BIRC6: variants seen among roughly 807,000 people sequenced by gnomAD.
BIRC6 encodes dual E2 ubiquitin-conjugating enzyme/E3 ubiquitin-protein ligase BIRC6.
In BIRC6, 98 loss-of-function variants were observed where a neutral mutation model predicts 503.3. The ratio of observed to expected loss-of-function variants is 0.19; its 90% confidence interval spans 0.17 to 0.23. BIRC6 has a LOEUF of 0.23. BIRC6 is among the 10% of genes least tolerant of loss of function. BIRC6 has a pLI of 1.00. For missense variants in BIRC6, 5,360 were observed against 5,806.0 expected (o/e 0.92, Z 2.50); for synonymous variants, 2,240 against 2,078.7 (o/e 1.08, Z -2.11).
chr2:32,486,985 C>T (rs937726879), intron 40 of BIRC6, among the ~76,000 whole-genome samples: 1 of 151,478 alleles, frequency 6.6e-6, no homozygotes, highest in African/African-American at 2.4e-5. Context: ...ATTAGAATAT[C>T]TTTTCGTAAT....
At chr2:32,426,496 A>T (rs544156335) in intron 10 of BIRC6, among the ~76,000 whole-genome samples, 96 of 152,334 alleles carry the variant, frequency 6.3e-4, no homozygotes, top group African/African-American at 2.2e-3. Flanking sequence ...CCAACTACTC[A>T]GGAGGCTGAG....
chr2:32,368,594 C>T (rs367763641), intron 1 of BIRC6, among the ~76,000 whole-genome samples: 1 of 152,106 alleles, frequency 6.6e-6, no homozygotes, highest in Non-Finnish European at 1.5e-5. Context: ...TTCAAACTCT[C>T]TAACTCCCTA....
intron 12 of BIRC6, among the ~76,000 whole-genome samples, chr2:32,432,546 C>T (rs192188600): frequency 1.8e-4 from 27 of 152,026 alleles, no homozygotes; most frequent in Non-Finnish European, 2.5e-4. Flanking sequence ...CACTTGAGCC[C>T]AGGTGTTCAA....
chr2:32,613,341 G>T, intron 73 of BIRC6, among the ~76,000 whole-genome samples: 1 of 150,574 alleles, frequency 6.6e-6, no homozygotes. Flanking sequence ...TCTGCCACCA[G>T]ACCTGGCTAA....
chr2:32,413,062 A>G (rs1369957002), intron 9 of BIRC6, among the ~76,000 whole-genome samples: 2 of 151,624 alleles, frequency 1.3e-5, no homozygotes, highest in Admixed American at 6.6e-5. Context: ...ACTAGAGAGT[A>G]CAGTTGCGTG....
At chr2:32,413,257 C>T (rs1188757547) in intron 9 of BIRC6, among the ~76,000 whole-genome samples, 1 of 151,228 alleles carries the variant, frequency 6.6e-6, no homozygotes, top group Non-Finnish European at 1.5e-5. Flanking sequence ...CTTGGCTCAC[C>T]ACAACCTCCG....
intron 22 of BIRC6, among the ~76,000 whole-genome samples, chr2:32,451,729 G>A (rs1434325208): frequency 6.6e-6 from 1 of 152,126 alleles, no homozygotes; most frequent in Non-Finnish European, 1.5e-5. Context: ...AGTAATGACT[G>A]ACAGACAAAC....
intron 45 of BIRC6, among the ~76,000 whole-genome samples, chr2:32,494,551 G>A (rs558370806): frequency 6.6e-6 from 1 of 151,280 alleles, no homozygotes; most frequent in Non-Finnish European, 1.5e-5. Flanking sequence ...ATTATAAAGT[G>A]TTATTTTGTT....
chr2:32,509,847 G>A lies in BIRC6; in HGVS notation c.10090G>A (p.Ala3364Thr). ...TGCTAATCTGCTGCAGACTTGTGCG[G>A]CCTTATTGATGTCACCTTACTGTGG... ...PTANLLQTCAALLMSPYCGMH... is the reference protein window; with the variant it reads ...PTANLLQTCATLLMSPYCGMH... Residue 3364 changes from alanine to threonine, a missense_variant, in exon 52 of 74, where the codon GCC (alanine) becomes ACC (threonine). Coordinates refer to ENST00000421745, the MANE Select transcript of BIRC6 (RefSeq NM_016252.4). 3 of 1,613,968 alleles carry A rather than the reference G, an allele frequency of 1.9e-6. No homozygotes were observed. Among genetic ancestry groups the A allele is most frequent in the Non-Finnish European group, 2.5e-6 (3 of 1,179,880 alleles).
intron 8 of BIRC6, among the ~76,000 whole-genome samples, chr2:32,403,130 T>C (rs1208012720): frequency 6.6e-6 from 1 of 152,174 alleles, no homozygotes; most frequent in Non-Finnish European, 1.5e-5. Flanking sequence ...AGGAGGAAGC[T>C]GAAGAGGTGA....
chr2:32,551,171 C>G (rs952867455), intron 65 of BIRC6, among the ~76,000 whole-genome samples: 1 of 151,424 alleles, frequency 6.6e-6, no homozygotes, highest in Non-Finnish European at 1.5e-5. Flanking sequence ...CAGGAAAACA[C>G]AGCTTAATAT....
chr2:32,566,506 C>T (rs1024755616), intron 65 of BIRC6: 17 of 152,266 alleles, frequency 1.1e-4, no homozygotes, highest in African/African-American at 4.1e-4. Context: ...GCGGGCACTA[C>T]CACACCTGGC....
intron 11 of BIRC6, 139 bp from the exon 12 acceptor site, chr2:32,430,726 C>T (rs2043998588): frequency 1.6e-6 from 1 of 640,862 alleles, no homozygotes; most frequent in Non-Finnish European, 2.7e-6. Context: ...CCTGAGCCCA[C>T]TTTATTAACT....
At position 32,524,934 on chromosome 2, in the gene BIRC6, CAAAG is replaced by C; in HGVS notation, c.11674_11677del (p.Glu3892ArgfsTer28). On this transcript the variant is annotated frameshift_variant, in exon 58 of 74. Transcript: ENST00000421745. LOFTEE classifies it high-confidence loss of function. The stretch of plus-strand genomic sequence containing the variant: ...AATTAATTAGTGAACAAAAAGATGA[CAAAG>C]AAAAGAAAAACCATGAAGAGAAAGA... The C allele has an allele frequency of 6.6e-7, 1 of 1,524,240 alleles. No homozygotes were observed. The allele number at this position is 1,524,240 out of a possible 1,614,324, so 94.4% of individuals were successfully genotyped here.
intron 61 of BIRC6, among the ~76,000 whole-genome samples, chr2:32,539,758 G>A (rs908107213): frequency 1.1e-4 from 17 of 151,948 alleles, no homozygotes; most frequent in Non-Finnish European, 2.1e-4. Context: ...AGAAAAACAG[G>A]AGTACAATTA....
chr2:32,375,178 A>G (rs111887297), intron 1 of BIRC6, among the ~76,000 whole-genome samples: 3 of 152,256 alleles, frequency 2.0e-5, no homozygotes, highest in African/African-American at 7.2e-5. Context: ...ATTGATTTTT[A>G]TCTACACGGG....
rs1402084418 is a variant in BIRC6 at position 32,547,855 on chromosome 2, G to A, written c.12816G>A (p.Gln4272=). The A allele has an allele frequency of 1.3e-6, 2 of 1,559,692 alleles. No individual in the cohort carries two copies. Among genetic ancestry groups the A allele is most frequent in the Non-Finnish European group, 1.7e-6 (2 of 1,158,572 alleles). ...TCATTTTTTGTTATTTTAAGCCACA[G>A]GTGTCAAGCTCTCATAACCCTACAT... is the stretch of plus-strand genomic sequence containing the variant. ...PNSSVNQTEP[Q]VSSSHNPTST... Residue 4272 remains glutamine, a synonymous_variant, in exon 64 of 74, where the codon CAG becomes CAA. Coordinates refer to ENST00000421745, the MANE Select transcript of BIRC6 (RefSeq NM_016252.4).
At chr2:32,465,401 C>CT (rs1207183728) in intron 26 of BIRC6, among the ~76,000 whole-genome samples, 1 of 151,830 alleles carries the variant, frequency 6.6e-6, no homozygotes, top group African/African-American at 2.4e-5. Flanking sequence ...TGAATCTTGC[C>CT]TGCTGATACA....
chr2:32,510,192 C>T (rs192123731), intron 52 of BIRC6, among the ~76,000 whole-genome samples, 198 bp downstream of exon 52: 2 of 152,254 alleles, frequency 1.3e-5, no homozygotes. Flanking sequence ...CTCACTACAA[C>T]CTCCACCTCC....
Sources: gnomAD v4.1 joint callset for allele counts (sites outside exome capture counted in the v4.1 genomes callset) on GRCh38, gnomAD v4.1.1 for gene constraint, MANE v1.5 for transcripts, NCBI Gene and HGNC (gene_info 2026-07-23, HGNC 2026-07-21) for gene names.